FAM161B: variants seen among roughly 807,000 people sequenced by gnomAD.
The protein encoded by FAM161B is protein FAM161B.
A neutral mutation model predicts 61.5 loss-of-function variants in FAM161B; 46 were observed. The observed-to-expected ratio is 0.75, with a 90% CI of 0.59 to 0.96. The LOEUF (loss-of-function observed/expected upper bound fraction) is 0.96, where lower values mean the gene tolerates loss of function less well. Among genes scored for constraint, FAM161B ranks in the 40% least tolerant of loss-of-function variants. FAM161B has a pLI of 0.00. For missense variants in FAM161B, 774 were observed against 800.7 expected (o/e 0.97, Z 0.40); for synonymous variants, 284 against 302.7 (o/e 0.94, Z 0.64).
At chr14:73,922,961 CAGA>C in the FAM161B span, 1 of 152,682 alleles carries the variant, frequency 6.5e-6, no homozygotes, top group East Asian at 1.9e-4. Context: ...AAACTATTTC[CAGA>C]AGATTTTCAT....
downstream of FAM161B, among the ~76,000 whole-genome samples, chr14:73,929,695 T>C (rs954519254): frequency 6.6e-6 from 1 of 151,704 alleles, no homozygotes; most frequent in Non-Finnish European, 1.5e-5. Flanking sequence ...TAAAATTAGC[T>C]GGTCCTAGCT....
chr14:73,924,337 C>G, the FAM161B span, among the ~76,000 whole-genome samples: 1 of 152,164 alleles, frequency 6.6e-6, no homozygotes, highest in Non-Finnish European at 1.5e-5. Flanking sequence ...GCTTGCTCAC[C>G]TGCTGCTCAC....
chr14:73,934,095 T>C lies in FAM161B; in HGVS notation c.*161A>G, dbSNP rs1429097909. On this transcript the variant is annotated 3_prime_UTR_variant, in exon 9 of 9. Transcript: ENST00000286544. Reference sequence around the variant, plus strand: ...CCTCAGCCTCCCAAAGTGTTGGGATTACAGGCGTGAGCCACTGCGCCTGGC... The same window carrying C: ...CCTCAGCCTCCCAAAGTGTTGGGATCACAGGCGTGAGCCACTGCGCCTGGC... 1.3e-6 allele frequency: 1 copy of C among 785,170 alleles called. No individual in the cohort carries two copies. The highest frequency in any genetic ancestry group is 1.9e-6 in the Non-Finnish European group (1 of 517,404). 48.6% of individuals were successfully genotyped at this position (785,170 alleles called of 1,614,324 possible).
intron 1 of FAM161B, among the ~76,000 whole-genome samples, chr14:73,947,152 G>A (rs1309604374): frequency 2.0e-5 from 3 of 152,122 alleles, no homozygotes; most frequent in Admixed American, 6.5e-5. Flanking sequence ...TTGGGAGGCC[G>A]AGGGAGGTGG....
the FAM161B span, chr14:73,924,749 T>C: frequency 2.3e-6 from 1 of 427,074 alleles, no homozygotes; most frequent in South Asian, 1.7e-5. Context: ...CGTTCTCGGC[T>C]CACTGCAACC....
chr14:73,930,803 G>A (rs1487559197), downstream of FAM161B, among the ~76,000 whole-genome samples: 4 of 152,062 alleles, frequency 2.6e-5, no homozygotes, highest in Non-Finnish European at 5.9e-5. Flanking sequence ...GCCTCACTGT[G>A]TTGCCCAAGT....
chr14:73,947,404 A>AC (rs60789767), intron 1 of FAM161B, among the ~76,000 whole-genome samples: 1 of 150,876 alleles, frequency 6.6e-6, no homozygotes, highest in African/African-American at 2.4e-5. Context: ...AAAAAAAAAA[A>AC]GGAATGGATG....
chr14:73,934,603 ATT>A (rs778237371), intron 8 of FAM161B, among the ~76,000 whole-genome samples: 8 of 141,284 alleles, frequency 5.7e-5, no homozygotes, highest in East Asian at 2.1e-4. Flanking sequence ...CACCCAGCTA[ATT>A]TTTTTTTTTT....
chr14:73,933,994 G>GTATT lies in FAM161B; in HGVS notation c.*258_*261dup, dbSNP rs2055949235. 3.2e-6 allele frequency: 1 copy of GTATT among 313,356 alleles called. No homozygotes were observed. The highest frequency in any genetic ancestry group is 4.9e-5 in the Admixed American group (1 of 20,428). The allele number at this position is 313,356 out of a possible 1,614,324, so 19.4% of individuals were successfully genotyped here. ...GTGTCATCACGCCCAGCTAATTTTT[G>GTATT]TATTTTTAGTAGAGGTGGAGTTTTG... On this transcript the variant is annotated 3_prime_UTR_variant, in exon 9 of 9. Transcript: ENST00000286544.
At chr14:73,938,151 C>T (rs1456059267) in intron 5 of FAM161B, 39 bp from the exon 6 acceptor site, 2 of 1,605,422 alleles carry the variant, frequency 1.2e-6, no homozygotes, top group African/African-American at 2.7e-5. Context: ...AGATTACCAA[C>T]CTGGGTATAC....
At chr14:73,938,541 G>A (rs2055990493) in intron 5 of FAM161B, among the ~76,000 whole-genome samples, 1 of 152,062 alleles carries the variant, frequency 6.6e-6, no homozygotes, top group Admixed American at 6.6e-5. Context: ...GGGAGGCCGA[G>A]GCGGGCGGAT....
intron 5 of FAM161B, among the ~76,000 whole-genome samples, chr14:73,939,310 T>C (rs1223378606): frequency 2.0e-5 from 3 of 152,050 alleles, no homozygotes; most frequent in Non-Finnish European, 4.4e-5. Context: ...AAAAAAAATA[T>C]ATATATCCTT....
chr14:73,950,084 G>T lies in FAM161B; in HGVS notation c.-58C>A. 6.2e-7 allele frequency: 1 copy of T among 1,606,242 alleles called. No homozygotes were observed. Among genetic ancestry groups the T allele is most frequent in the Non-Finnish European group, 8.5e-7 (1 of 1,179,970 alleles). On this transcript the variant is annotated 5_prime_UTR_variant, in exon 1 of 9. It adds an upstream start codon to the 5' untranslated region. Transcript: ENST00000286544. Reference sequence around the variant, plus strand: ...AGCGATAGTGGCAGCAGCGGTGGCAGCGAGAGCTATGCGGGGCCAGGGTCC... The same window carrying T: ...AGCGATAGTGGCAGCAGCGGTGGCATCGAGAGCTATGCGGGGCCAGGGTCC...
At chr14:73,923,580 A>G in the FAM161B span, 1 of 1,559,006 alleles carries the variant, frequency 6.4e-7, no homozygotes, top group African/African-American at 1.4e-5. Flanking sequence ...ATGATTGAGA[A>G]TTTAGAGGAC....
the FAM161B span, among the ~76,000 whole-genome samples, chr14:73,926,476 AG>A: frequency 6.6e-6 from 1 of 151,936 alleles, no homozygotes; most frequent in Non-Finnish European, 1.5e-5. Context: ...TCTGTGGCCC[AG>A]GTCAAGAGTG....
chr14:73,949,473 C>T (rs1423770177), intron 1 of FAM161B, among the ~76,000 whole-genome samples: 1 of 151,780 alleles, frequency 6.6e-6, no homozygotes, highest in Non-Finnish European at 1.5e-5. Flanking sequence ...TTTCCTTGGC[C>T]TCCCAAAGTG....
At chr14:73,941,120 T>A in intron 4 of FAM161B, 67 bp from the exon 5 acceptor site, 1 of 1,491,246 alleles carries the variant, frequency 6.7e-7, no homozygotes, top group Non-Finnish European at 8.9e-7. Context: ...TTTTTTTTTT[T>A]TTTTTTTTTT....
chr14:73,937,823 T>G (rs983821994), intron 6 of FAM161B, 122 bp from the exon 7 acceptor site: 47 of 1,548,114 alleles, frequency 3.0e-5, no homozygotes, highest in Non-Finnish European at 3.9e-5. Flanking sequence ...TGGAAAATCA[T>G]GACCCTGCTG....
rs778836802 is a variant in FAM161B, at chr14:73,944,466, T to C, written c.794A>G (p.Glu265Gly). The C allele has an allele frequency of 6.2e-6, 10 of 1,613,790 alleles. No individual in the cohort carries two copies. In the Admixed American group the frequency reaches 8.3e-5, roughly 13 times the overall value. The change falls in exon 3 of 9, where the codon GAG (glutamate) becomes GGG (glycine). Residue 265 changes from glutamate (E) to glycine (G), a missense_variant. Transcript: ENST00000286544. ...SLKPFSFLEKEEQLKEAARQR... is the reference protein window; with the variant it reads ...SLKPFSFLEKGEQLKEAARQR... ...TCGAGCAGCTTCCTTTAGCTGCTCCTCCTTCTCCAGGAAGCTGAAGGGCTT... is the reference window on the plus strand; with the variant it reads ...TCGAGCAGCTTCCTTTAGCTGCTCCCCCTTCTCCAGGAAGCTGAAGGGCTT...
Sources: allele counts gnomAD v4.1 joint callset (sites outside exome capture counted in the v4.1 genomes callset), GRCh38; gene constraint gnomAD v4.1.1; transcripts MANE v1.5; gene names NCBI Gene and HGNC (gene_info 2026-07-23, HGNC 2026-07-21).